Variants in OSBPL2 observed in about 807,000 individuals in gnomAD.
OSBPL2 encodes the protein oxysterol binding protein like 2, also known as oxysterol-binding protein-related protein 2.
OSBPL2 carries 18 observed loss-of-function variants against 58.4 expected under a neutral mutation model. That is an observed-to-expected ratio of 0.31 (90% CI 0.21 to 0.46). The LOEUF (loss-of-function observed/expected upper bound fraction) is 0.46, where lower values mean the gene tolerates loss of function less well. Ranked by LOEUF, OSBPL2 falls within the 20% of genes least tolerant of loss-of-function variation. OSBPL2 has a pLI of 1.00. For synonymous variants in OSBPL2, 221 were observed against 234.1 expected (o/e 0.94, Z 0.51); for missense variants, 461 against 616.5 (o/e 0.75, Z 2.67).
At chr20:62,239,702 G>A (rs187266492) in intron 1 of OSBPL2, among the ~76,000 whole-genome samples, 43 of 152,340 alleles carry the variant, frequency 2.8e-4, no homozygotes, top group Admixed American at 7.2e-4. Context: ...TGAGGAGCCC[G>A]GAACTGGTGC....
At position 62,269,478 on chromosome 20, in the gene OSBPL2, G is replaced by A. The variant is rs770365958; in HGVS notation, c.259-2647G>A. Among the ~76,000 whole-genome samples the A allele has an allele frequency of 4.6e-5, 7 of 152,014 alleles. No individual in the cohort carries two copies. The highest frequency in any genetic ancestry group is 1.0e-4 in the Non-Finnish European group (7 of 68,032). On this transcript the variant is annotated intron_variant, in intron 4 of 13. Transcript: ENST00000313733. The surrounding 1 kb of genome is among the most constrained non-coding windows in gnomAD (Gnocchi z 4.2). ...ATCACTGTGCATTTCCACAGCAGCC[G>A]GGGGGCTTTCCCTGGGTGGGAGTTG...
intron 1 of OSBPL2, among the ~76,000 whole-genome samples, chr20:62,243,199 C>T (rs780062280): frequency 2.6e-5 from 4 of 152,372 alleles, no homozygotes; most frequent in East Asian, 3.9e-4. Context: ...AAAGAGGACA[C>T]GGGCTGCGTC....
At position 62,288,057 on chromosome 20, in the gene OSBPL2, C is replaced by T. The variant is rs1292486834; in HGVS notation, c.1126-1150C>T. On this transcript the variant is annotated intron_variant, in intron 11 of 13. Transcript: ENST00000313733. This position sits in a 1 kb window ranked among gnomAD's most constrained non-coding sequence, Gnocchi z 4.8. ...TAGGGGTGGGGGTGTCTAGGGATTG[C>T]GTTTGGGCGGAGGGGACAGTCAGGG... Among the ~76,000 whole-genome samples the T allele has an allele frequency of 1.3e-5, 2 of 151,698 alleles. No homozygotes were observed. Among genetic ancestry groups the T allele is most frequent in the Non-Finnish European group, 2.9e-5 (2 of 67,928 alleles).
At chr20:62,290,412 T>TTTG (rs1983420616) in intron 12 of OSBPL2, among the ~76,000 whole-genome samples, 1 of 2,072 alleles carries the variant, frequency 4.8e-4, no homozygotes, top group African/African-American at 7.4e-4. Context: ...ATTTTTTGGG[T>TTTG]TTTTTTTTTT....
At chr20:62,290,569 G>C (rs774579472) in intron 12 of OSBPL2, among the ~76,000 whole-genome samples, 67 of 150,088 alleles carry the variant, frequency 4.5e-4, no homozygotes, top group Admixed American at 1.0e-3. Context: ...AGGTGCCCCT[G>C]CCACCACGCC....
chr20:62,273,802 A>G (rs1982221790), intron 6 of OSBPL2, among the ~76,000 whole-genome samples: 2 of 152,198 alleles, frequency 1.3e-5, no homozygotes, highest in South Asian at 2.1e-4. Flanking sequence ...AGTGAACGCT[A>G]TTGAAAAAGC....
At chr20:62,265,923 A>G (rs767389720) in intron 4 of OSBPL2, among the ~76,000 whole-genome samples, 2 of 152,122 alleles carry the variant, frequency 1.3e-5, no homozygotes, top group Non-Finnish European at 2.9e-5. Flanking sequence ...GCTTGAGACC[A>G]GAGCCTGGGC....
At chr20:62,256,466 T>C (rs1193443110) in intron 2 of OSBPL2, among the ~76,000 whole-genome samples, 1 of 152,176 alleles carries the variant, frequency 6.6e-6, no homozygotes, top group Non-Finnish European at 1.5e-5. Context: ...ATATTTTCAT[T>C]TGTCTCCTGA....
Position 62,288,886 on chromosome 20 carries a change from G to A in OSBPL2, c.1126-321G>A, listed in dbSNP as rs149941218. ...GTACAAGCTGAGGGTTTAGCAGTGG[G>A]AGACAGGTGGCGTGGCTGGAGTGTT... On this transcript the variant is annotated intron_variant, in intron 11 of 13. Transcript: ENST00000313733. The surrounding 1 kb of genome is among the most constrained non-coding windows in gnomAD (Gnocchi z 4.8). Among the ~76,000 whole-genome samples, 71 of 152,266 alleles carry A rather than the reference G, an allele frequency of 4.7e-4. No individual in the cohort carries two copies. Among genetic ancestry groups the A allele is most frequent in the Middle Eastern group, 3.4e-3 (1 of 294 alleles).
At position 62,295,750 on chromosome 20, in the gene OSBPL2, G is replaced by A. The variant is rs187951593; in HGVS notation, c.*1863G>A. On this transcript the variant is annotated 3_prime_UTR_variant, in exon 14 of 14. Transcript: ENST00000313733. This position sits in a 1 kb window ranked among gnomAD's most constrained non-coding sequence, Gnocchi z 4.8. Reference sequence around the variant, plus strand: ...CTTTTCCAGACTGTGGTTGTGAACCGGCTCCTTCTCCAAGAAAGGTTGCAA... The same window carrying A: ...CTTTTCCAGACTGTGGTTGTGAACCAGCTCCTTCTCCAAGAAAGGTTGCAA... The A allele has an allele frequency of 1.3e-5, 2 of 150,998 alleles. No homozygotes were observed. Among genetic ancestry groups the A allele is most frequent in the East Asian group, 3.9e-4 (2 of 5,136 alleles). 9.4% of individuals were successfully genotyped at this position (150,998 alleles called of 1,614,324 possible). A position where few individuals can be genotyped will look rare whatever the true frequency, so the allele number is the denominator to read the frequency against.
At chr20:62,291,649 C>T in intron 12 of OSBPL2, 54 bp from the exon 13 acceptor site, 10 of 1,443,700 alleles carry the variant, frequency 6.9e-6, no homozygotes, top group South Asian at 2.3e-5. Flanking sequence ...TAGGGGGTGG[C>T]GGGGTGCGGT....
intron 11 of OSBPL2, 135 bp from the exon 12 acceptor site, chr20:62,289,072 C>A: frequency 1.1e-6 from 1 of 872,542 alleles, no homozygotes; most frequent in Non-Finnish European, 1.8e-6. Context: ...AGGTGGAAGA[C>A]GTGAGCGGAA....
chr20:62,239,027 CAG>C (rs1979532934), intron 1 of OSBPL2: 1 of 151,988 alleles, frequency 6.6e-6, no homozygotes, highest in South Asian at 2.1e-4. Flanking sequence ...TCACCGGGAA[CAG>C]GGAAGGATTT....
At chr20:62,270,498 C>G (rs1981991941) in intron 4 of OSBPL2, among the ~76,000 whole-genome samples, 1 of 64,568 alleles carries the variant, frequency 1.5e-5, no homozygotes, top group Non-Finnish European at 3.5e-5. Context: ...TTGTCCCTCT[C>G]TGGCCTCTCT....
chr20:62,270,446 G>A (rs1555849075), intron 4 of OSBPL2, among the ~76,000 whole-genome samples: 2 of 99,250 alleles, frequency 2.0e-5, no homozygotes, highest in Non-Finnish European at 2.1e-5. Context: ...TCCCTCTCTG[G>A]CCTCTCTGGG....
At position 62,248,858 on chromosome 20, in the gene OSBPL2, ATTTAT is replaced by A. The variant is rs1338805392; in HGVS notation, c.-128-7190_-128-7186del. On this transcript the variant is annotated intron_variant, in intron 1 of 13. Transcript: ENST00000313733. ...AGGCACGTGCCACTGTGCCCAGCTA[ATTTAT>A]TTTATTTTGTTTTTTTGTACAGACA... 2.6e-5 allele frequency among the ~76,000 whole-genome samples: 4 copies of A among 151,974 alleles called. No homozygotes were observed. The East Asian group carries it at 7.8e-4, about 29-fold the overall frequency.
chr20:62,272,088 G>T (rs1156813627), intron 4 of OSBPL2, 37 bp from the exon 5 acceptor site: 21 of 1,611,598 alleles, frequency 1.3e-5, no homozygotes, highest in Non-Finnish European at 1.8e-5. Context: ...GTGTCAGGAA[G>T]GCAGCAGTAA....
chr20:62,243,512 A>C (rs1191250064), intron 1 of OSBPL2, among the ~76,000 whole-genome samples: 1 of 152,158 alleles, frequency 6.6e-6, no homozygotes, highest in Non-Finnish European at 1.5e-5. Flanking sequence ...CTGTCAGGGT[A>C]GAAGGCTCCT....
At chr20:62,270,007 A>G (rs1240228701) in intron 4 of OSBPL2, among the ~76,000 whole-genome samples, 3 of 152,118 alleles carry the variant, frequency 2.0e-5, no homozygotes, top group Non-Finnish European at 2.9e-5. Flanking sequence ...CGGTCCCTGC[A>G]CTCGTCCTTG....
Sources: allele counts gnomAD v4.1 joint callset (sites outside exome capture counted in the v4.1 genomes callset), GRCh38; gene constraint gnomAD v4.1.1; non-coding constraint Gnocchi (gnomAD v3.1); transcripts MANE v1.5; gene names NCBI Gene and HGNC (gene_info 2026-07-23, HGNC 2026-07-21).